The following GPR158 variants were observed in gnomAD, a reference collection of about 807,000 sequenced individuals.
The protein encoded by GPR158 is metabotropic glycine receptor.
A neutral mutation model predicts 78.2 loss-of-function variants in GPR158; 30 were observed. The observed-to-expected ratio is 0.38, with a 90% CI of 0.29 to 0.52. GPR158 has a LOEUF of 0.52. GPR158 is among the 20% of genes least tolerant of loss of function. The pLI is 0.83. For missense variants in GPR158, 1,463 were observed against 1,523.5 expected (o/e 0.96, Z 0.66); for synonymous variants, 581 against 591.1 (o/e 0.98, Z 0.25).
chr10:25,307,278 G>A (rs182486095), intron 2 of GPR158, among the ~76,000 whole-genome samples: 10 of 149,860 alleles, frequency 6.7e-5, no homozygotes, highest in African/African-American at 2.2e-4. Context: ...ACTTCATCAC[G>A]TGGTTTTTCA....
chr10:25,551,489 A>C (rs2130712861), intron 6 of GPR158, among the ~76,000 whole-genome samples: 1 of 152,298 alleles, frequency 6.6e-6, no homozygotes, highest in East Asian at 1.9e-4. Flanking sequence ...GCCATTCCCA[A>C]GTTCCATACC....
At chr10:25,448,969 AAATATTT>A (rs537216356) in intron 4 of GPR158, among the ~76,000 whole-genome samples, 1 of 152,342 alleles carries the variant, frequency 6.6e-6, no homozygotes, top group Admixed American at 6.5e-5. Flanking sequence ...TTGGTGTTTA[AAATATTT>A]AATATGAAAA....
chr10:25,573,971 G>C (rs1251514121), intron 7 of GPR158, among the ~76,000 whole-genome samples: 1 of 151,068 alleles, frequency 6.6e-6, no homozygotes, highest in Non-Finnish European at 1.5e-5. Flanking sequence ...ACTAAGGTAG[G>C]AAGCGACTCT....
rs1229843064 is a variant in GPR158 at position 25,248,137 on chromosome 10, T to C, written c.1008+26980T>C. ...TTCTTTTGAGAAGTGTCTGTTCATA[T>C]CCTTCGCCCACTTTTTGATGGGGTT... On this transcript the variant is annotated intron_variant, in intron 2 of 10. Coordinates refer to ENST00000376351, the MANE Select transcript of GPR158 (RefSeq NM_020752.3). 2.6e-5 allele frequency among the ~76,000 whole-genome samples: 4 copies of C among 152,214 alleles called. No individual in the cohort carries two copies. In the East Asian group the frequency reaches 7.7e-4, roughly 29 times the overall value.
At chr10:25,287,536 G>A (rs957867121) in intron 2 of GPR158, among the ~76,000 whole-genome samples, 2 of 152,130 alleles carry the variant, frequency 1.3e-5, no homozygotes, top group African/African-American at 4.8e-5. Context: ...CAGGTGGTGT[G>A]AATCTCCCTT....
At chr10:25,277,261 A>G (rs1026542506) in intron 2 of GPR158, among the ~76,000 whole-genome samples, 1 of 152,144 alleles carries the variant, frequency 6.6e-6, no homozygotes, top group African/African-American at 2.4e-5. Flanking sequence ...TCACCTATTC[A>G]TTTATTTTAT....
intron 2 of GPR158, among the ~76,000 whole-genome samples, chr10:25,239,639 C>G (rs984219333): frequency 6.6e-6 from 1 of 151,042 alleles, no homozygotes; most frequent in Non-Finnish European, 1.5e-5. Flanking sequence ...ACCAAGTTTT[C>G]CTGGTTGGTG....
chr10:25,342,188 AAGCCCTGAAG>A (rs1855312634), intron 2 of GPR158, among the ~76,000 whole-genome samples: 1 of 152,022 alleles, frequency 6.6e-6, no homozygotes, highest in South Asian at 2.1e-4. Flanking sequence ...TTTAATCATT[AAGCCCTGAAG>A]TATGTGTGCT....
chr10:25,252,365 G>A (rs1242532925), intron 2 of GPR158, among the ~76,000 whole-genome samples: 14 of 152,276 alleles, frequency 9.2e-5, no homozygotes, highest in South Asian at 2.1e-4. Context: ...GAGGAGCTGC[G>A]TTCCTTTGGA....
At chr10:25,316,895 GTGTGTGTGTGTGTGTTTA>G (rs1323520168) in intron 2 of GPR158, among the ~76,000 whole-genome samples, 1 of 107,354 alleles carries the variant, frequency 9.3e-6, no homozygotes, top group East Asian at 2.1e-4. Flanking sequence ...ATTTGTGTGT[GTGTGTGTGTGTGTGTTTA>G]TGTGTGTGTG....
At chr10:25,340,748 C>A (rs1277170155) in intron 2 of GPR158, among the ~76,000 whole-genome samples, 1 of 151,954 alleles carries the variant, frequency 6.6e-6, no homozygotes, top group Non-Finnish European at 1.5e-5. Flanking sequence ...TGAGAAATTA[C>A]AATCTATGTG....
intron 4 of GPR158, among the ~76,000 whole-genome samples, chr10:25,432,754 G>A (rs1200049234): frequency 6.6e-6 from 1 of 151,624 alleles, no homozygotes; most frequent in East Asian, 1.9e-4. Flanking sequence ...CTCACTCTCT[G>A]CTTGCCTTCC....
intron 3 of GPR158, among the ~76,000 whole-genome samples, chr10:25,411,027 T>A (rs913461589): frequency 2.0e-5 from 3 of 152,152 alleles, no homozygotes; most frequent in African/African-American, 7.2e-5. Flanking sequence ...TTGTGTTATA[T>A]ACTGAAGTGA....
At chr10:25,296,477 T>G (rs374836732) in intron 2 of GPR158, among the ~76,000 whole-genome samples, 1 of 141,044 alleles carries the variant, frequency 7.1e-6, no homozygotes, top group Non-Finnish European at 1.5e-5. Context: ...CTGTCTGTCT[T>G]TCTATCTATA....
chr10:25,469,744 A>C (rs1835470186), intron 5 of GPR158, among the ~76,000 whole-genome samples: 1 of 132,704 alleles, frequency 7.5e-6, no homozygotes, highest in Non-Finnish European at 1.5e-5. Context: ...AGATTGTGCC[A>C]CTGCATTCCA....
intron 5 of GPR158, among the ~76,000 whole-genome samples, chr10:25,469,956 G>A (rs972237201): frequency 1.3e-5 from 2 of 151,720 alleles, no homozygotes; most frequent in African/African-American, 4.8e-5. Context: ...TTTTGAAAAT[G>A]TCAGCCAGTT....
chr10:25,379,236 T>C (rs530431497), intron 2 of GPR158, among the ~76,000 whole-genome samples: 1 of 152,324 alleles, frequency 6.6e-6, no homozygotes, highest in South Asian at 2.1e-4. Context: ...CCCTCCTGTA[T>C]CTTTGGGCTT....
At chr10:25,548,197 G>C (rs902983380) in intron 5 of GPR158, among the ~76,000 whole-genome samples, 2 of 152,142 alleles carry the variant, frequency 1.3e-5, no homozygotes, top group South Asian at 4.1e-4. Context: ...TAAGCACACA[G>C]AATATACTGA....
chr10:25,464,152 A>G (rs571819107), intron 4 of GPR158, among the ~76,000 whole-genome samples: 1 of 152,332 alleles, frequency 6.6e-6, no homozygotes, highest in Non-Finnish European at 1.5e-5. Context: ...TCCTAAGAAG[A>G]TTATTCAACA....
Sources: gnomAD v4.1 joint callset for allele counts (sites outside exome capture counted in the v4.1 genomes callset) on GRCh38, gnomAD v4.1.1 for gene constraint, MANE v1.5 for transcripts, NCBI Gene and HGNC (gene_info 2026-07-23, HGNC 2026-07-21) for gene names.